CCSER1: variants seen among roughly 807,000 people sequenced by gnomAD.
The protein encoded by CCSER1 is serine-rich coiled-coil domain-containing protein 1.
A neutral mutation model predicts 82.0 loss-of-function variants in CCSER1; 41 were observed. The ratio of observed to expected loss-of-function variants is 0.50; its 90% CI spans 0.39 to 0.65. CCSER1 has a LOEUF of 0.65. CCSER1 is among the 30% of genes least tolerant of loss of function. The pLI is 0.00. For missense variants in CCSER1, 1,119 were observed against 1,064.2 expected, an observed-to-expected ratio of 1.05 and a Z score of -0.72; for synonymous variants, 414 against 383.9, an observed-to-expected ratio of 1.08 and a Z score of -0.92.
intron 7 of CCSER1, among the ~76,000 whole-genome samples, chr4:90,809,580 C>A (rs1353462290): frequency 6.6e-6 from 1 of 151,964 alleles, no homozygotes; most frequent in African/African-American, 2.4e-5. Flanking sequence ...CTATTGGGTA[C>A]AATGTACACT....
chr4:90,491,501 C>G (rs200076084), intron 5 of CCSER1, among the ~76,000 whole-genome samples: 2 of 151,186 alleles, frequency 1.3e-5, no homozygotes, highest in African/African-American at 2.4e-5. Flanking sequence ...AATTGAATAC[C>G]CTTTATTTCT....
chr4:90,915,193 C>A lies in CCSER1; in HGVS notation c.2095-8177C>A, dbSNP rs974157676. Among the ~76,000 whole-genome samples the A allele has an allele frequency of 5.3e-5, 8 of 152,128 alleles. No individual in the cohort carries two copies. The East Asian group carries it at 1.5e-3, about 29-fold the overall frequency. ...GGCCAGCATCATCCTGATACCAAAGCCTGGCAGAGACACAACAGAAAAAGA... is the reference window on the plus strand; with the variant it reads ...GGCCAGCATCATCCTGATACCAAAGACTGGCAGAGACACAACAGAAAAAGA... On this transcript the variant is annotated intron_variant, in intron 8 of 10. Transcript: ENST00000509176.
At chr4:90,544,561 C>G (rs1776517107) in intron 5 of CCSER1, among the ~76,000 whole-genome samples, 1 of 152,012 alleles carries the variant, frequency 6.6e-6, no homozygotes, top group Admixed American at 6.6e-5. Context: ...GCTTTGGTGT[C>G]CAGAGTTTCT....
intron 5 of CCSER1, among the ~76,000 whole-genome samples, chr4:90,605,549 A>C (rs1449735794): frequency 6.6e-6 from 1 of 152,228 alleles, no homozygotes. Context: ...TCTAAAATGT[A>C]ATTAATGTAT....
At chr4:90,410,918 C>T (rs974177428) in intron 4 of CCSER1, among the ~76,000 whole-genome samples, 3 of 152,058 alleles carry the variant, frequency 2.0e-5, no homozygotes, top group Non-Finnish European at 2.9e-5. Context: ...ATCAAATAGA[C>T]ACAATAAAAA....
At chr4:90,193,847 G>C (rs1305070740) in intron 1 of CCSER1, among the ~76,000 whole-genome samples, 2 of 151,988 alleles carry the variant, frequency 1.3e-5, no homozygotes, top group Non-Finnish European at 2.9e-5. Context: ...CTAGTGCCTA[G>C]AACAAGGAAG....
intron 5 of CCSER1, among the ~76,000 whole-genome samples, chr4:90,545,750 C>A (rs770624049): frequency 1.2e-4 from 18 of 152,050 alleles, no homozygotes; most frequent in African/African-American, 4.3e-4. Context: ...TAGTAAACTT[C>A]GGAACATTTA....
At chr4:90,665,724 T>C (rs1185652686) in intron 6 of CCSER1, among the ~76,000 whole-genome samples, 3 of 152,178 alleles carry the variant, frequency 2.0e-5, no homozygotes, top group Admixed American at 1.3e-4. Context: ...GGTATTAGTT[T>C]GTTATTGCTG....
intron 1 of CCSER1, among the ~76,000 whole-genome samples, chr4:90,172,206 C>A (rs1240658564): frequency 1.3e-5 from 2 of 151,886 alleles, no homozygotes; most frequent in East Asian, 3.9e-4. Context: ...TCTATAGTTA[C>A]TCTAGAAAAA....
At chr4:90,322,204 C>T (rs1737279183) in intron 3 of CCSER1, among the ~76,000 whole-genome samples, 1 of 152,054 alleles carries the variant, frequency 6.6e-6, no homozygotes, top group African/African-American at 2.4e-5. Flanking sequence ...ATGTGGATAT[C>T]CAGTTTTCCA....
chr4:90,915,101 T>C (rs947706936), intron 8 of CCSER1, among the ~76,000 whole-genome samples: 1 of 152,202 alleles, frequency 6.6e-6, no homozygotes, highest in Non-Finnish European at 1.5e-5. Context: ...GAGGAGCTGG[T>C]ACCATTCCTT....
chr4:91,122,193 G>A (rs555457766), intron 10 of CCSER1, among the ~76,000 whole-genome samples: 1 of 151,838 alleles, frequency 6.6e-6, no homozygotes, highest in Middle Eastern at 3.4e-3. Flanking sequence ...GATTGGTCAA[G>A]ATTTGCATTA....
chr4:90,895,084 GAC>G (rs1057147597), intron 8 of CCSER1, among the ~76,000 whole-genome samples: 31 of 151,734 alleles, frequency 2.0e-4, no homozygotes, highest in Admixed American at 2.0e-3. Context: ...AAATATTTAA[GAC>G]AGTTCAAAAT....
At chr4:90,427,063 T>A (rs987174206) in intron 4 of CCSER1, among the ~76,000 whole-genome samples, 5 of 152,086 alleles carry the variant, frequency 3.3e-5, no homozygotes, top group African/African-American at 1.2e-4. Flanking sequence ...CAGCTTCCTT[T>A]CTAACCAGAT....
chr4:90,860,718 G>A (rs1764984568), intron 8 of CCSER1, among the ~76,000 whole-genome samples: 1 of 151,650 alleles, frequency 6.6e-6, no homozygotes, highest in South Asian at 2.1e-4. Context: ...ACTAGAACAT[G>A]AAGTAAACTT....
At chr4:91,180,143 T>A (rs140684444) in intron 10 of CCSER1, among the ~76,000 whole-genome samples, 2,046 of 152,242 alleles carry the variant, frequency 0.013, 32 homozygotes, top group African/African-American at 0.037. Flanking sequence ...AGAACAGCAG[T>A]TGTTGCTGCC....
chr4:91,374,672 T>A (rs181624540), intron 10 of CCSER1, among the ~76,000 whole-genome samples: 2 of 152,316 alleles, frequency 1.3e-5, no homozygotes, highest in Admixed American at 1.3e-4. Context: ...GATCAAGGAA[T>A]AATTTTGACT....
intron 1 of CCSER1, among the ~76,000 whole-genome samples, chr4:90,190,605 A>G (rs1735445651): frequency 6.6e-6 from 1 of 152,126 alleles, no homozygotes; most frequent in South Asian, 2.1e-4. Context: ...ACATAAATTT[A>G]CAAACTTTAA....
At chr4:90,943,010 A>G (rs2150333018) in intron 9 of CCSER1, among the ~76,000 whole-genome samples, 1 of 150,992 alleles carries the variant, frequency 6.6e-6, no homozygotes. Context: ...ATAAGCAGTA[A>G]CTGAAACTTT....
Sources: gnomAD v4.1 joint callset for allele counts (sites outside exome capture counted in the v4.1 genomes callset) on GRCh38, gnomAD v4.1.1 for gene constraint, MANE v1.5 for transcripts, NCBI Gene and HGNC (gene_info 2026-07-23, HGNC 2026-07-21) for gene names.